Variants in STON2 observed in about 807,000 individuals in gnomAD.
The protein encoded by STON2 is stonin 2, also known as stonin-2.
Under a neutral mutation model 65.7 loss-of-function variants are expected in STON2, and 29 were observed. That is an observed-to-expected ratio of 0.44 (90% CI 0.33 to 0.60). The LOEUF (loss-of-function observed/expected upper bound fraction) is 0.60. STON2 is among the 20% of genes least tolerant of loss of function. The pLI, the probability that STON2 is intolerant of heterozygous loss-of-function variation, is 0.03. For synonymous variants in STON2, 404 were observed against 414.2 expected (o/e 0.98, Z 0.30); for missense variants, 1,054 against 1,118.1 (o/e 0.94, Z 0.82).
chr14:81,397,078 A>C (rs947816821), intron 2 of STON2, among the ~76,000 whole-genome samples: 16 of 152,160 alleles, frequency 1.1e-4, no homozygotes, highest in African/African-American at 2.7e-4. Flanking sequence ...ACAACAACAA[A>C]AAAACTATAT....
At chr14:81,348,230 C>G (rs1897893438) in intron 4 of STON2, among the ~76,000 whole-genome samples, 1 of 152,102 alleles carries the variant, frequency 6.6e-6, no homozygotes, top group Non-Finnish European at 1.5e-5. Context: ...TTTCACCACT[C>G]CTATTCATCA....
At chr14:81,317,933 G>A (rs1280773879) in intron 5 of STON2, among the ~76,000 whole-genome samples, 2 of 151,406 alleles carry the variant, frequency 1.3e-5, no homozygotes, top group African/African-American at 4.9e-5. Context: ...ATATCTTCAG[G>A]ACTTTCTCTT....
intron 3 of STON2, among the ~76,000 whole-genome samples, chr14:81,386,237 C>T (rs1335502360): frequency 6.6e-6 from 1 of 152,166 alleles, no homozygotes; most frequent in East Asian, 1.9e-4. Context: ...AAAAATAAAG[C>T]CTCTTCTGTT....
At chr14:81,351,463 G>A (rs911818432) in intron 4 of STON2, among the ~76,000 whole-genome samples, 1 of 152,108 alleles carries the variant, frequency 6.6e-6, no homozygotes, top group Non-Finnish European at 1.5e-5. Flanking sequence ...GCTTGGGATA[G>A]CTTACTTTGA....
intron 2 of STON2, among the ~76,000 whole-genome samples, chr14:81,421,965 G>C (rs3908315): frequency 0.46 from 70,521 of 152,088 alleles, 18,126 homozygotes; most frequent in Non-Finnish European, 0.59. Flanking sequence ...TGGAACCCTG[G>C]GGAAGGTCAT....
rs1555393081 is a variant in STON2 at position 81,263,551 on chromosome 14, A to AC, written c.*4862_*4863insG. 1.2e-4 allele frequency: 22 copies of AC among 191,028 alleles called. No homozygotes were observed. The highest frequency in any genetic ancestry group is 9.1e-4 in the South Asian group (5 of 5,488). The allele number at this position is 191,028 out of a possible 1,614,324, so 11.8% of individuals were successfully genotyped here. ...AGACTCCGTCTCAAAAAAAAAAAAA[A>AC]AAAAAAAAACAAAAAAGAAAATGCT... On this transcript the variant is annotated 3_prime_UTR_variant, in exon 8 of 8. Coordinates refer to ENST00000614646, the MANE Select transcript of STON2 (RefSeq NM_001394390.1).
chr14:81,320,177 T>A (rs1369182062), intron 5 of STON2, among the ~76,000 whole-genome samples: 1 of 151,902 alleles, frequency 6.6e-6, no homozygotes, highest in Non-Finnish European at 1.5e-5. Context: ...CCATTCTGTC[T>A]ACATTCCAAG....
intron 5 of STON2, among the ~76,000 whole-genome samples, chr14:81,295,099 C>T (rs748806822): frequency 1.3e-5 from 2 of 152,064 alleles, no homozygotes; most frequent in Non-Finnish European, 2.9e-5. Context: ...CCGAGGTGGG[C>T]GGATCACGAG....
Position 81,405,464 on chromosome 14 carries a change from T to TTTG in STON2, c.-198-6885_-198-6884insCAA, listed in dbSNP as rs1214129252. On this transcript the variant is annotated intron_variant, in intron 2 of 8. Transcript: ENST00000553821. ...CATTTGGGATTAGTTACTATTGTTT[T>TTTG]TTTTTTTTTTTTGCTTGACTATGGT... 6.0e-5 allele frequency among the ~76,000 whole-genome samples: 9 copies of TTTG among 151,144 alleles called. No individual in the cohort carries two copies. In the East Asian group the frequency reaches 1.7e-3, roughly 29 times the overall value.
chr14:81,332,485 T>A (rs1256518245), intron 4 of STON2, among the ~76,000 whole-genome samples: 2 of 152,214 alleles, frequency 1.3e-5, no homozygotes, highest in Non-Finnish European at 2.9e-5. Context: ...GGGATAGAAA[T>A]TCCTGGGAAG....
intron 3 of STON2, among the ~76,000 whole-genome samples, chr14:81,385,242 A>G (rs1899738190): frequency 6.6e-6 from 1 of 152,242 alleles, no homozygotes; most frequent in South Asian, 2.1e-4. Context: ...AGAGGAGAAT[A>G]TTGGAGTTTT....
At chr14:81,292,090 G>C (rs1895580620) in intron 5 of STON2, among the ~76,000 whole-genome samples, 2 of 152,174 alleles carry the variant, frequency 1.3e-5, no homozygotes, top group African/African-American at 4.8e-5. Flanking sequence ...AATGGTAACA[G>C]CCTATCTTAG....
intron 6 of STON2, among the ~76,000 whole-genome samples, chr14:81,275,062 T>C (rs1342314602): frequency 2.6e-5 from 4 of 152,142 alleles, no homozygotes; most frequent in African/African-American, 9.7e-5. Context: ...ATCAGTCTTT[T>C]CCTCAGGTCT....
At chr14:81,369,995 A>G (rs1898912205) in intron 4 of STON2, among the ~76,000 whole-genome samples, 2 of 152,172 alleles carry the variant, frequency 1.3e-5, no homozygotes. Context: ...ATAAAGAACC[A>G]CAGCTTCTGA....
In STON2 at chr14:81,277,975, A is replaced by G; in HGVS notation, c.1507T>C (p.Trp503Arg). 6.2e-7 allele frequency: 1 copy of G among 1,614,152 alleles called. No individual in the cohort carries two copies. Among genetic ancestry groups the G allele is most frequent in the Non-Finnish European group, 8.5e-7 (1 of 1,180,026 alleles). Residue 503 changes from tryptophan to arginine, a missense_variant, in exon 6 of 8, where the codon TGG (tryptophan) becomes CGG (arginine). Physicochemically the swap from Trp to Arg is moderately radical, Grantham distance 101. Transcript: ENST00000614646. ...EKKNIMSSRH[W>R]GPIFVKLTDT... ...GTCAGTTTGACGAAGATCGGTCCCC[A>G]GTGCCTGGAGGACATGATGTTTTTC...
At chr14:81,375,367 T>C (rs1899203603) in intron 3 of STON2, among the ~76,000 whole-genome samples, 1 of 151,766 alleles carries the variant, frequency 6.6e-6, no homozygotes, top group Non-Finnish European at 1.5e-5. Flanking sequence ...TTATCAATGA[T>C]GAAAGTAAAG....
rs970612886 is a variant in STON2, at chr14:81,277,958, G to C, written c.1524C>G (p.Val508=). The C allele has an allele frequency of 1.9e-6, 3 of 1,614,142 alleles. No individual in the cohort carries two copies. The highest frequency in any genetic ancestry group is 8.5e-7 in the Non-Finnish European group (1 of 1,180,022). Residue 508 remains valine (V), a synonymous_variant, in exon 6 of 8, where the codon GTC becomes GTG. Transcript: ENST00000614646. Reference sequence around the variant, plus strand: ...GCAGGTAACCAGTGTCTGTCAGTTTGACGAAGATCGGTCCCCAGTGCCTGG... The same window carrying C: ...GCAGGTAACCAGTGTCTGTCAGTTTCACGAAGATCGGTCCCCAGTGCCTGG... ...MSSRHWGPIF[V]KLTDTGYLQL...
At chr14:81,340,222 T>G (rs1897548909) in intron 4 of STON2, among the ~76,000 whole-genome samples, 1 of 152,144 alleles carries the variant, frequency 6.6e-6, no homozygotes, top group South Asian at 2.1e-4. Flanking sequence ...AATGAGTCCA[T>G]GTATACAAAA....
chr14:81,304,145 C>T (rs140980844), intron 5 of STON2, among the ~76,000 whole-genome samples: 4 of 152,288 alleles, frequency 2.6e-5, no homozygotes, highest in Non-Finnish European at 5.9e-5. Flanking sequence ...TTTTACGTAT[C>T]TCATCTTTCT....
Sources: gnomAD v4.1 joint callset for allele counts (sites outside exome capture counted in the v4.1 genomes callset) on GRCh38, gnomAD v4.1.1 for gene constraint, MANE v1.5 for transcripts, NCBI Gene and HGNC (gene_info 2026-07-23, HGNC 2026-07-21) for gene names.